PCDH15: variants seen among roughly 807,000 people sequenced by gnomAD.
PCDH15 encodes the protein protocadherin-15.
PCDH15 carries 129 observed loss-of-function variants against 178.5 expected under a neutral mutation model. The observed-to-expected ratio is 0.72, with a 90% CI of 0.63 to 0.84. The LOEUF is 0.84. Ranked by LOEUF, PCDH15 falls within the 40% of genes least tolerant of loss-of-function variation. PCDH15 has a pLI of 0.00. For missense variants in PCDH15, 2,230 were observed against 2,099.9 expected (o/e 1.06, Z -1.21); for synonymous variants, 800 against 732.0 (o/e 1.09, Z -1.50).
chr10:53,989,093 C>T (rs2091299079), intron 21 of PCDH15, among the ~76,000 whole-genome samples: 1 of 152,122 alleles, frequency 6.6e-6, no homozygotes, highest in Admixed American at 6.5e-5. Flanking sequence ...AAACAGTTGG[C>T]CGCCTATGAG....
Position 54,503,225 on chromosome 10 carries a change from A to ATGTGTGTG in PCDH15, c.157+24579_157+24586dup, listed in dbSNP as rs35951831. ...AATCCCAGGCCAAATATACATATAT[A>ATGTGTGTG]TGTGTGTGTGTGTGTGTGTGTGTGT... On this transcript the variant is annotated intron_variant, in intron 3 of 37. Transcript: ENST00000644397. Among the ~76,000 whole-genome samples, 478 of 83,768 alleles carry ATGTGTGTG rather than the reference A, an allele frequency of 5.7e-3. 3 individuals are homozygous for ATGTGTGTG. The highest frequency in any genetic ancestry group is 0.014 in the African/African-American group (368 of 26,424). The allele number at this position is 83,768 out of a possible 152,430, so 55.0% of individuals were successfully genotyped here. A position where few individuals can be genotyped will look rare whatever the true frequency, so the allele number is the denominator to read the frequency against.
At chr10:54,280,454 G>A (rs760303184) in intron 8 of PCDH15, among the ~76,000 whole-genome samples, 2 of 151,470 alleles carry the variant, frequency 1.3e-5, no homozygotes, top group Non-Finnish European at 3.0e-5. Flanking sequence ...TCTCATGATC[G>A]CAAATCTTGG....
chr10:54,029,021 C>T (rs2093214334), intron 18 of PCDH15, among the ~76,000 whole-genome samples: 2 of 152,080 alleles, frequency 1.3e-5, no homozygotes, highest in South Asian at 4.1e-4. Flanking sequence ...CTAATGGAAA[C>T]AAAGGGAACA....
chr10:54,886,572 G>A (rs1386411484), intron 3 of PCDH15, among the ~76,000 whole-genome samples: 1 of 152,188 alleles, frequency 6.6e-6, no homozygotes, highest in Non-Finnish European at 1.5e-5. Flanking sequence ...GACCAGCCTG[G>A]CCAACGTGGT....
intron 1 of PCDH15, among the ~76,000 whole-genome samples, chr10:54,760,181 T>A (rs1167130649): frequency 3.3e-5 from 5 of 152,192 alleles, no homozygotes; most frequent in Admixed American, 3.3e-4. Flanking sequence ...TAAAAACTAA[T>A]ATGCAATGTA....
chr10:54,762,830 C>A (rs1948060261), intron 1 of PCDH15, among the ~76,000 whole-genome samples: 1 of 152,100 alleles, frequency 6.6e-6, no homozygotes, highest in South Asian at 2.1e-4. Flanking sequence ...TAATTGCATT[C>A]ATACATTTGA....
At position 53,964,723 on chromosome 10, in the gene PCDH15, G is replaced by C. The variant is rs1005475736; in HGVS notation, c.2869-2831C>G. Among the ~76,000 whole-genome samples, 6 of 152,050 alleles carry C rather than the reference G, an allele frequency of 3.9e-5. No individual in the cohort carries two copies. In the South Asian group the frequency reaches 6.2e-4, roughly 16 times the overall value. On this transcript the variant is annotated intron_variant, in intron 21 of 37. Coordinates refer to ENST00000644397, the MANE Select transcript of PCDH15 (RefSeq NM_001384140.1). ...CCACTGATTTCACCTAGTGGTGGAT[G>C]GTCAGTTCACCCACTGAAGATTTAT... is the stretch of plus-strand genomic sequence containing the variant.
chr10:55,298,783 T>G (rs4935587), intron 1 of PCDH15, among the ~76,000 whole-genome samples: 30,911 of 151,946 alleles, frequency 0.2, 5,020 homozygotes, highest in African/African-American at 0.45. Flanking sequence ...TCACCACGTT[T>G]GCCAGGCTGG....
At chr10:54,615,460 A>G (rs548958112) in intron 2 of PCDH15, among the ~76,000 whole-genome samples, 2 of 152,258 alleles carry the variant, frequency 1.3e-5, no homozygotes, top group South Asian at 2.1e-4. Context: ...AATAAGTCCA[A>G]GAAAATAATA....
chr10:54,773,105 G>T (rs1485611793), intron 1 of PCDH15, among the ~76,000 whole-genome samples: 1 of 151,958 alleles, frequency 6.6e-6, no homozygotes, highest in Non-Finnish European at 1.5e-5. Flanking sequence ...CCAAGGGGTG[G>T]GGGGCAGGGA....
At chr10:54,421,814 GTGTA>G (rs1411355064) in intron 3 of PCDH15, among the ~76,000 whole-genome samples, 1 of 59,490 alleles carries the variant, frequency 1.7e-5, no homozygotes, top group African/African-American at 9.9e-5. Flanking sequence ...TGTGTAGTGT[GTGTA>G]TATATATATA....
intron 3 of PCDH15, among the ~76,000 whole-genome samples, chr10:54,478,930 T>A (rs2078486932): frequency 6.6e-6 from 1 of 151,774 alleles, no homozygotes; most frequent in African/African-American, 2.4e-5. Context: ...TGTAGAGTTA[T>A]TATGTGTGTC....
At chr10:55,424,927 A>C (rs1287947941) in intron 2 of PCDH15, among the ~76,000 whole-genome samples, 1 of 151,982 alleles carries the variant, frequency 6.6e-6, no homozygotes, top group Non-Finnish European at 1.5e-5. Context: ...ATAATTATTT[A>C]TACGTTTACA....
At chr10:54,927,010 A>G (rs1733791) in intron 2 of PCDH15, among the ~76,000 whole-genome samples, 68,961 of 151,554 alleles carry the variant, frequency 0.46, 15,898 homozygotes, top group Middle Eastern at 0.56. Context: ...GTTTGATTTT[A>G]GTTCTTTTCG....
At chr10:54,561,715 A>G (rs145520575) in intron 2 of PCDH15, among the ~76,000 whole-genome samples, 2,144 of 152,246 alleles carry the variant, frequency 0.014, 43 homozygotes, top group African/African-American at 0.049. Flanking sequence ...AATAAATTAA[A>G]TCAAAATATA....
chr10:54,517,331 A>T (rs1300143051), intron 3 of PCDH15, among the ~76,000 whole-genome samples: 1 of 152,198 alleles, frequency 6.6e-6, no homozygotes, highest in Non-Finnish European at 1.5e-5. Context: ...ATGTGCAGAG[A>T]CACACATAGG....
chr10:54,172,165 T>C (rs950805633), intron 13 of PCDH15, among the ~76,000 whole-genome samples: 4 of 152,092 alleles, frequency 2.6e-5, no homozygotes, highest in Middle Eastern at 3.2e-3. Flanking sequence ...GAATATGCCC[T>C]GCCCCACCTT....
intron 3 of PCDH15, among the ~76,000 whole-genome samples, chr10:54,417,902 GTTTA>G (rs1368003423): frequency 1.5e-4 from 23 of 152,068 alleles, no homozygotes; most frequent in African/African-American, 5.3e-4. Flanking sequence ...CATGCTATTT[GTTTA>G]TTTATTTCAT....
intron 2 of PCDH15, among the ~76,000 whole-genome samples, chr10:54,588,998 T>G (rs532774623): frequency 6.6e-6 from 1 of 152,224 alleles, no homozygotes; most frequent in South Asian, 2.1e-4. Context: ...ATAGAATTTG[T>G]GTCTGTCTTG....
Sources: gnomAD v4.1 joint callset for allele counts (sites outside exome capture counted in the v4.1 genomes callset) on GRCh38, gnomAD v4.1.1 for gene constraint, MANE v1.5 for transcripts, NCBI Gene and HGNC (gene_info 2026-07-23, HGNC 2026-07-21) for gene names.